CCDC192: variants seen among roughly 807,000 people sequenced by gnomAD.
CCDC192 encodes coiled-coil domain containing 192, also known as coiled-coil domain-containing protein 192.
chr5:127,932,287 C>G (rs1322182550), intron 6 of CCDC192, among the ~76,000 whole-genome samples: 1 of 152,040 alleles, frequency 6.6e-6, no homozygotes, highest in African/African-American at 2.4e-5. Context: ...TCACTGCAAC[C>G]TCTGCCTTTC....
intron 2 of CCDC192, among the ~76,000 whole-genome samples, chr5:127,720,615 C>T (rs918030768): frequency 6.6e-6 from 1 of 152,234 alleles, no homozygotes; most frequent in South Asian, 2.1e-4. Flanking sequence ...TAGGCTCCAA[C>T]CCTATATTTC....
chr5:127,869,392 T>C (rs1751753605), intron 5 of CCDC192, among the ~76,000 whole-genome samples: 1 of 152,190 alleles, frequency 6.6e-6, no homozygotes, highest in African/African-American at 2.4e-5. Flanking sequence ...TGGCATATTG[T>C]AGGTGGCCAA....
chr5:127,928,222 T>C (rs1753919139), intron 6 of CCDC192, among the ~76,000 whole-genome samples: 1 of 152,208 alleles, frequency 6.6e-6, no homozygotes, highest in South Asian at 2.1e-4. Context: ...GCCTGGCTGG[T>C]GATCTTTTAT....
intron 2 of CCDC192, among the ~76,000 whole-genome samples, chr5:127,718,564 T>C (rs1257780883): frequency 6.6e-6 from 1 of 152,108 alleles, no homozygotes. Context: ...GGAAGGGAAT[T>C]TGGTAATGTG....
intron 5 of CCDC192, among the ~76,000 whole-genome samples, chr5:127,833,212 A>T (rs1749882390): frequency 6.6e-6 from 1 of 152,166 alleles, no homozygotes; most frequent in Non-Finnish European, 1.5e-5. Flanking sequence ...CAGCTAATTA[A>T]TTCTCCTATG....
chr5:127,830,165 C>CA (rs34425575), intron 5 of CCDC192, among the ~76,000 whole-genome samples: 52,707 of 150,212 alleles, frequency 0.35, 9,352 homozygotes, highest in South Asian at 0.45. Flanking sequence ...TTCGCAGTCT[C>CA]AAAAAAAAAA....
chr5:127,825,278 T>C (rs1749475144), intron 5 of CCDC192, among the ~76,000 whole-genome samples: 1 of 152,224 alleles, frequency 6.6e-6, no homozygotes, highest in South Asian at 2.1e-4. Flanking sequence ...GTTGTATTAG[T>C]GGTATCTGTC....
chr5:127,872,311 A>G (rs1751896646), intron 5 of CCDC192, among the ~76,000 whole-genome samples: 1 of 152,198 alleles, frequency 6.6e-6, no homozygotes, highest in African/African-American at 2.4e-5. Context: ...TAATAAAGTG[A>G]TATTTTGGTT....
At chr5:127,924,738 G>C (rs1018692223) in intron 6 of CCDC192, among the ~76,000 whole-genome samples, 2 of 152,168 alleles carry the variant, frequency 1.3e-5, no homozygotes, top group African/African-American at 4.8e-5. Flanking sequence ...TAGGTGCTGT[G>C]ATCTATACAA....
Position 127,703,521 on chromosome 5 carries a change from T to G in CCDC192, c.62+14T>G. 5.0e-6 allele frequency: 2 copies of G among 398,792 alleles called. No individual in the cohort carries two copies. Among genetic ancestry groups the G allele is most frequent in the Non-Finnish European group, 8.9e-6 (2 of 225,952 alleles). 24.7% of individuals were successfully genotyped at this position (398,792 alleles called of 1,614,324 possible). ...AGAGAGAAGCAGGTGAGTTCCCAGC[T>G]CCTCTCATCCCAAAATAATTCATGG... On this transcript the variant is annotated intron_variant, in intron 1 of 6. Coordinates refer to ENST00000514853, the MANE Select transcript of CCDC192 (RefSeq NM_001317938.2).
At chr5:127,932,449 C>T (rs901222106) in intron 6 of CCDC192, among the ~76,000 whole-genome samples, 17 of 152,254 alleles carry the variant, frequency 1.1e-4, no homozygotes, top group African/African-American at 3.8e-4. Flanking sequence ...GGTGATCCTC[C>T]CACTTCGGCC....
intron 6 of CCDC192, among the ~76,000 whole-genome samples, chr5:127,916,167 T>C (rs1050163385): frequency 6.6e-6 from 1 of 152,234 alleles, no homozygotes; most frequent in Non-Finnish European, 1.5e-5. Flanking sequence ...AATAAAACAT[T>C]TTCTCTGCTT....
At chr5:127,865,536 T>G (rs1207009692) in intron 5 of CCDC192, among the ~76,000 whole-genome samples, 2 of 151,846 alleles carry the variant, frequency 1.3e-5, no homozygotes, top group Non-Finnish European at 2.9e-5. Context: ...AAGCTAATGA[T>G]TGTCAGACTG....
At chr5:127,835,470 T>C (rs1749994132) in intron 5 of CCDC192, among the ~76,000 whole-genome samples, 3 of 152,218 alleles carry the variant, frequency 2.0e-5, no homozygotes, top group Admixed American at 2.0e-4. Context: ...CCTCCTCAAA[T>C]GGCACTTTGG....
chr5:127,709,386 G>A (rs76499472), intron 2 of CCDC192, among the ~76,000 whole-genome samples: 8,005 of 152,172 alleles, frequency 0.053, 504 homozygotes, highest in East Asian at 0.27. Context: ...TCCACCAGGC[G>A]TCCTCCTGCA....
chr5:127,894,510 T>G (rs1273272685), intron 6 of CCDC192, among the ~76,000 whole-genome samples: 3 of 152,142 alleles, frequency 2.0e-5, no homozygotes, highest in African/African-American at 7.2e-5. Flanking sequence ...TAATTTTAAC[T>G]CATTTATATA....
At chr5:127,758,632 C>T (rs1260376443) in intron 3 of CCDC192, among the ~76,000 whole-genome samples, 1 of 151,974 alleles carries the variant, frequency 6.6e-6, no homozygotes, top group Non-Finnish European at 1.5e-5. Context: ...TATTGTATTT[C>T]CCATAGGTTA....
intron 3 of CCDC192, among the ~76,000 whole-genome samples, chr5:127,767,084 C>G (rs1466978108): frequency 6.6e-6 from 1 of 152,156 alleles, no homozygotes; most frequent in Non-Finnish European, 1.5e-5. Context: ...GCCTTTTCCC[C>G]AAACTGGAAA....
intron 6 of CCDC192, among the ~76,000 whole-genome samples, chr5:127,913,209 A>G: frequency 6.6e-6 from 1 of 152,214 alleles, no homozygotes; most frequent in East Asian, 1.9e-4. Flanking sequence ...CCAACAAACT[A>G]AAGCCCAGAG....
Sources: allele counts gnomAD v4.1 joint callset (sites outside exome capture counted in the v4.1 genomes callset), GRCh38; gene constraint gnomAD v4.1.1; transcripts MANE v1.5; gene names NCBI Gene and HGNC (gene_info 2026-07-23, HGNC 2026-07-21).